Variants in ASCC3 observed in about 807,000 individuals in gnomAD.
ASCC3 encodes ASC-1 complex subunit P200.
A neutral mutation model predicts 256.3 loss-of-function variants in ASCC3; 158 were observed. That is an observed-to-expected ratio of 0.62 (90% CI 0.54 to 0.70). The LOEUF (loss-of-function observed/expected upper bound fraction) is 0.70. Ranked by LOEUF, ASCC3 falls within the 30% of genes least tolerant of loss-of-function variation. The pLI, the probability that ASCC3 is intolerant of heterozygous loss-of-function variation, is 0.00. For missense variants in ASCC3, 2,259 were observed against 2,626.0 expected (o/e 0.86, Z 3.05); for synonymous variants, 948 against 883.4 (o/e 1.07, Z -1.30).
In ASCC3 at chr6:100,695,883, AAC is replaced by A. The variant is rs548972763; in HGVS notation, c.2152-16133_2152-16132del. ...GACCAGTGGAGAGTTAGGGAGAAGC[AAC>A]ACGGTCTGTACCCTGACCCAGGTGT... On this transcript the variant is annotated intron_variant, in intron 13 of 41. Coordinates refer to ENST00000369162, the MANE Select transcript of ASCC3 (RefSeq NM_006828.4). 2.1e-3 allele frequency among the ~76,000 whole-genome samples: 327 copies of A among 152,292 alleles called. 3 individuals carry two copies. Among genetic ancestry groups the A allele is most frequent in the Non-Finnish European group, 4.2e-3 (287 of 68,012 alleles).
At chr6:100,548,178 G>A (rs1315493039) in intron 36 of ASCC3, among the ~76,000 whole-genome samples, 1 of 151,752 alleles carries the variant, frequency 6.6e-6, no homozygotes, top group Non-Finnish European at 1.5e-5. Flanking sequence ...TGTTCATAGA[G>A]AAAAATAAGA....
At chr6:100,835,108 T>G (rs1384683826) in intron 4 of ASCC3, among the ~76,000 whole-genome samples, 1 of 151,882 alleles carries the variant, frequency 6.6e-6, no homozygotes, top group East Asian at 1.9e-4. Flanking sequence ...CACATTCTGA[T>G]TCTTACCAAT....
chr6:100,627,792 T>C (rs373533824), intron 28 of ASCC3, 50 bp downstream of exon 28: 1 of 1,611,864 alleles, frequency 6.2e-7, no homozygotes, highest in Admixed American at 1.7e-5. Context: ...AAAGGAATCA[T>C]CAAAGTAACA....
rs766979450 is a variant in ASCC3, at chr6:100,512,891, C to T, written c.6103G>A (p.Val2035Met). The change falls in exon 40 of 42, where the codon GTG becomes ATG. Residue 2035 changes from valine to methionine, a missense_variant. Val to Met is a conservative substitution (Grantham distance 21, BLOSUM62 1). Coordinates refer to ENST00000369162, the MANE Select transcript of ASCC3 (RefSeq NM_006828.4). ...QAWNFLSHLP[V>M]INVGISVKGS... ...TTAACACTTATGCCAACATTTATCA[C>T]TGGCAAGTGAGATAAGAAATTCCAT... is the stretch of plus-strand genomic sequence containing the variant. 6 of 1,613,836 alleles carry T rather than the reference C, an allele frequency of 3.7e-6. No homozygotes were observed. The highest frequency in any genetic ancestry group is 1.1e-5 in the South Asian group (1 of 91,064).
At chr6:100,537,813 T>C (rs1775238361) in intron 37 of ASCC3, among the ~76,000 whole-genome samples, 1 of 151,606 alleles carries the variant, frequency 6.6e-6, no homozygotes, top group South Asian at 2.1e-4. Context: ...ACGATTTCTC[T>C]TTAAATGCTG....
At chr6:100,876,677 A>T (rs992306071) in intron 1 of ASCC3, among the ~76,000 whole-genome samples, 5 of 152,162 alleles carry the variant, frequency 3.3e-5, no homozygotes, top group Non-Finnish European at 7.4e-5. Context: ...ACTAATTTTT[A>T]CTCCACATTT....
At chr6:100,609,708 C>T (rs1218820900) in intron 30 of ASCC3, among the ~76,000 whole-genome samples, 2 of 151,984 alleles carry the variant, frequency 1.3e-5, no homozygotes, top group African/African-American at 4.8e-5. Flanking sequence ...GTCAGGAAAT[C>T]GAGACTAGCC....
chr6:100,850,810 CATTT>C (rs1772627938), intron 3 of ASCC3, among the ~76,000 whole-genome samples: 1 of 151,964 alleles, frequency 6.6e-6, no homozygotes, highest in Admixed American at 6.6e-5. Flanking sequence ...CATTTATATA[CATTT>C]ATTTATTCAT....
chr6:100,518,232 A>G (rs927455007), intron 37 of ASCC3, 90 bp from the exon 38 acceptor site: 26 of 1,393,562 alleles, frequency 1.9e-5, no homozygotes, highest in Non-Finnish European at 2.6e-5. Context: ...AACAAAAAAC[A>G]AAGAAACCAA....
intron 4 of ASCC3, among the ~76,000 whole-genome samples, chr6:100,819,260 C>T (rs948357513): frequency 6.6e-6 from 1 of 151,992 alleles, no homozygotes; most frequent in Non-Finnish European, 1.5e-5. Context: ...CACATGTATA[C>T]CTATGTATCA....
Position 100,607,044 on chromosome 6 carries a change from C to T in ASCC3, c.4830G>A (p.Leu1610=). Reference sequence around the variant, plus strand: ...GCATTCCTATCCCGAAAGCAAGGGTCAGCTTGAGGTTGGAATCTCTTACTG... The same window carrying T: ...GCATTCCTATCCCGAAAGCAAGGGTTAGCTTGAGGTTGGAATCTCTTACTG... ...IATVRDSNLK[L]TLAFGIGMHH... The change falls in exon 31 of 42, where the codon CTG becomes CTA. Residue 1610 remains leucine, a synonymous_variant. Coordinates refer to ENST00000369162, the MANE Select transcript of ASCC3 (RefSeq NM_006828.4). 1.2e-6 allele frequency: 2 copies of T among 1,613,682 alleles called. No individual in the cohort carries two copies. The highest frequency in any genetic ancestry group is 1.7e-6 in the Non-Finnish European group (2 of 1,179,790).
intron 36 of ASCC3, among the ~76,000 whole-genome samples, chr6:100,566,858 A>ACTT (rs1259122668): frequency 1.3e-5 from 2 of 152,046 alleles, no homozygotes; most frequent in African/African-American, 4.8e-5. Flanking sequence ...TTCTGTCTCT[A>ACTT]CTTTCTTAAA....
At chr6:100,674,884 G>A (rs1355815253) in intron 14 of ASCC3, among the ~76,000 whole-genome samples, 2 of 151,806 alleles carry the variant, frequency 1.3e-5, no homozygotes, top group Non-Finnish European at 2.9e-5. Flanking sequence ...TGCCTGCCTC[G>A]GCCTCCCAAA....
At chr6:100,547,672 ATTTCAT>A (rs1769049534) in intron 36 of ASCC3, among the ~76,000 whole-genome samples, 2 of 152,068 alleles carry the variant, frequency 1.3e-5, no homozygotes, top group Admixed American at 1.3e-4. Flanking sequence ...AGAAATGGAA[ATTTCAT>A]GCATAGCTGG....
intron 3 of ASCC3, among the ~76,000 whole-genome samples, chr6:100,852,499 A>G (rs986953523): frequency 1.3e-5 from 2 of 152,108 alleles, no homozygotes; most frequent in Non-Finnish European, 2.9e-5. Flanking sequence ...ACTTCCCTTT[A>G]TATTCTATAT....
At chr6:100,642,829 G>A (rs1350599085) in intron 23 of ASCC3, 80 bp from the exon 24 acceptor site, 1 of 1,261,310 alleles carries the variant, frequency 7.9e-7, no homozygotes, top group Non-Finnish European at 1.1e-6. Context: ...TAAGATAACG[G>A]TATCTCTACA....
intron 24 of ASCC3, among the ~76,000 whole-genome samples, chr6:100,640,987 G>GA (rs1775095116): frequency 6.6e-6 from 1 of 151,946 alleles, no homozygotes; most frequent in African/African-American, 2.4e-5. Context: ...AACCATATGA[G>GA]AAAAAATATG....
At chr6:100,635,906 A>G (rs1480315961) in intron 25 of ASCC3, among the ~76,000 whole-genome samples, 2 of 152,168 alleles carry the variant, frequency 1.3e-5, no homozygotes, top group Admixed American at 6.5e-5. Flanking sequence ...TCATACAGAA[A>G]AGATTTGATT....
At chr6:100,841,019 G>A (rs1379315448) in intron 4 of ASCC3, among the ~76,000 whole-genome samples, 2 of 151,700 alleles carry the variant, frequency 1.3e-5, no homozygotes, top group African/African-American at 4.8e-5. Flanking sequence ...AAAACTAGAG[G>A]GACATAAGAG....
Sources: gnomAD v4.1 joint callset for allele counts (sites outside exome capture counted in the v4.1 genomes callset) on GRCh38, gnomAD v4.1.1 for gene constraint, MANE v1.5 for transcripts, NCBI Gene and HGNC (gene_info 2026-07-23, HGNC 2026-07-21) for gene names.